ATP6V0A1: variants seen among roughly 807,000 people sequenced by gnomAD.
The protein encoded by ATP6V0A1 is ATPase H+ transporting V0 subunit a1.
ATP6V0A1 carries 43 observed loss-of-function variants against 105.4 expected under a neutral mutation model. The observed-to-expected ratio is 0.41, with a 90% CI of 0.32 to 0.53. The LOEUF is 0.53. Among genes scored for constraint, ATP6V0A1 ranks in the 20% least tolerant of loss-of-function variants. ATP6V0A1 has a pLI of 0.30. For synonymous variants in ATP6V0A1, 362 were observed against 372.8 expected (o/e 0.97, Z 0.33); for missense variants, 676 against 1,051.1 (o/e 0.64, Z 4.93).
At chr17:42,502,318 G>C (rs1394370460) in intron 17 of ATP6V0A1, among the ~76,000 whole-genome samples, 13 of 152,214 alleles carry the variant, frequency 8.5e-5, no homozygotes, top group Non-Finnish European at 1.9e-4. Flanking sequence ...GTTTGCCTGG[G>C]CAACCACAGG....
At chr17:42,509,398 A>C (rs1381826087) in intron 19 of ATP6V0A1, among the ~76,000 whole-genome samples, 2 of 152,100 alleles carry the variant, frequency 1.3e-5, no homozygotes, top group East Asian at 3.9e-4. Flanking sequence ...ACTTCTCTCT[A>C]AAATGCCTAG....
chr17:42,505,651 T>C (rs1333158510), intron 17 of ATP6V0A1, among the ~76,000 whole-genome samples: 1 of 152,182 alleles, frequency 6.6e-6, no homozygotes, highest in Non-Finnish European at 1.5e-5. Flanking sequence ...TATCACTCTT[T>C]TTTATGGTTG....
At chr17:42,507,252 C>A in intron 17 of ATP6V0A1, 1 of 353,114 alleles carries the variant, frequency 2.8e-6, no homozygotes, top group Non-Finnish European at 5.3e-6. Context: ...CCAGGTGAGG[C>A]TGGTGCCTCT....
intron 8 of ATP6V0A1, 94 bp from the exon 9 acceptor site, chr17:42,482,944 T>A: frequency 2.5e-5 from 14 of 561,266 alleles, no homozygotes; most frequent in Middle Eastern, 4.2e-4. Context: ...CGGTCTGACC[T>A]AATCCTGTTT....
chr17:42,468,644 T>G (rs1319850157), intron 4 of ATP6V0A1, among the ~76,000 whole-genome samples: 1 of 152,196 alleles, frequency 6.6e-6, no homozygotes, highest in Non-Finnish European at 1.5e-5. Context: ...ATTATTTGTC[T>G]GTGCCCTGCT....
intron 21 of ATP6V0A1, among the ~76,000 whole-genome samples, chr17:42,517,486 T>C (rs939116291): frequency 9.2e-5 from 14 of 152,268 alleles, no homozygotes; most frequent in African/African-American, 3.1e-4. Flanking sequence ...ATTTTGGCAA[T>C]AGGAGTATTG....
rs1567812300 is a variant in ATP6V0A1 at position 42,470,129 on chromosome 17, A to C, written c.334A>C (p.Asn112His). The change falls in exon 5 of 22, where the codon AAC becomes CAC. Residue 112 changes from asparagine (N) to histidine (H), a missense_variant. By Grantham distance (68) the Asn-to-His change is moderately conservative (BLOSUM62 1). Coordinates refer to ENST00000343619, the MANE Select transcript of ATP6V0A1 (RefSeq NM_001130021.3). ...EKIENELKEI[N>H]TNQEALKRNF... ...GATTGAAAATGAACTGAAGGAAATCAACACAAACCAGGAAGCTCTGAAGAG... is the reference window on the plus strand; with the variant it reads ...GATTGAAAATGAACTGAAGGAAATCCACACAAACCAGGAAGCTCTGAAGAG... The C allele has an allele frequency of 6.2e-7, 1 of 1,610,572 alleles. No homozygotes were observed. The highest frequency in any genetic ancestry group is 8.5e-7 in the Non-Finnish European group (1 of 1,177,926).
At chr17:42,507,081 C>A (rs1229255624) in intron 17 of ATP6V0A1, among the ~76,000 whole-genome samples, 1 of 152,202 alleles carries the variant, frequency 6.6e-6, no homozygotes, top group African/African-American at 2.4e-5. Context: ...GACTAGGGTA[C>A]AATCACAATG....
intron 19 of ATP6V0A1, among the ~76,000 whole-genome samples, chr17:42,509,231 T>C (rs982536277): frequency 6.6e-6 from 1 of 152,100 alleles, no homozygotes; most frequent in African/African-American, 2.4e-5. Context: ...ATCAGCCACA[T>C]AGAGAATAAC....
intron 10 of ATP6V0A1, among the ~76,000 whole-genome samples, chr17:42,488,341 G>A (rs1282987581): frequency 6.6e-6 from 1 of 152,216 alleles, no homozygotes; most frequent in Non-Finnish European, 1.5e-5. Context: ...AGGTAGTTTG[G>A]AACTTAATTG....
chr17:42,485,636 C>A (rs1327528333), intron 9 of ATP6V0A1, among the ~76,000 whole-genome samples: 3 of 152,124 alleles, frequency 2.0e-5, no homozygotes. Context: ...CTCACTGCAG[C>A]CTTGACCGAC....
In ATP6V0A1 at chr17:42,495,176, C is replaced by G. The variant is rs1764656139; in HGVS notation, c.1457C>G (p.Thr486Ser). The change falls in exon 13 of 22, where the codon ACT (threonine) becomes AGT (serine). Residue 486 changes from threonine (T) to serine (S), a missense_variant. Thr to Ser is a moderately conservative substitution (Grantham distance 58, BLOSUM62 1). Transcript: ENST00000343619. ...TCCTGGAGTGTACGGCCGATGTTTA[C>G]TTATAATTGGACGTAAGTTGCAGAA... ...GSSWSVRPMF[T>S]YNWTEETLRG... The G allele has an allele frequency of 6.2e-7, 1 of 1,613,822 alleles. No homozygotes were observed. The highest frequency in any genetic ancestry group is 8.5e-7 in the Non-Finnish European group (1 of 1,179,882).
chr17:42,478,685 A>G (rs1338559782), intron 7 of ATP6V0A1, 96 bp downstream of exon 7: 13 of 1,307,508 alleles, frequency 9.9e-6, no homozygotes, highest in Non-Finnish European at 1.3e-5. Flanking sequence ...GTGCTTCCAC[A>G]GAGGAGCCAT....
At position 42,514,301 on chromosome 17, in the gene ATP6V0A1, T is replaced by C; in HGVS notation, c.2261T>C (p.Val754Ala). 6.3e-7 allele frequency: 1 copy of C among 1,596,378 alleles called. No homozygotes were observed. The highest frequency in any genetic ancestry group is 8.5e-7 in the Non-Finnish European group (1 of 1,171,408). ...LSLAHAQLSE[V>A]LWTMVIHIGL... is the part of the protein sequence containing the mutation. ...TCCCATTCCCCAGAGCTGTCTGAGG[T>C]GCTTTGGACCATGGTGATCCACATC... Residue 754 changes from valine (V) to alanine (A), a missense_variant, in exon 21 of 22, where the codon GTG becomes GCG. By Grantham distance (64) the Val-to-Ala change is moderately conservative (BLOSUM62 0). This residue lies in a region of ATP6V0A1 where 435 missense variants were observed against 642.2 expected (regional missense o/e 0.68). Coordinates refer to ENST00000343619, the MANE Select transcript of ATP6V0A1 (RefSeq NM_001130021.3).
intron 2 of ATP6V0A1, among the ~76,000 whole-genome samples, chr17:42,463,533 A>G (rs1256454657): frequency 6.6e-6 from 1 of 152,200 alleles, no homozygotes; most frequent in East Asian, 1.9e-4. Context: ...GCCGAACGGT[A>G]AGTAGTTCAT....
rs756631876 is a variant in ATP6V0A1, at chr17:42,480,764, C to T, written c.716+15C>T. On this transcript the variant is annotated intron_variant, in intron 8 of 21. Transcript: ENST00000343619. ...ATCTGTGAAGGGTAAGAGAGGCATG[C>T]CTCTACCAGGAGTGCACAGCCATGC... 5 of 1,610,674 alleles carry T rather than the reference C, an allele frequency of 3.1e-6. No homozygotes were observed. In the East Asian group the frequency reaches 1.1e-4, roughly 36 times the overall value.
At chr17:42,508,423 G>A in intron 18 of ATP6V0A1, 149 bp from the exon 19 acceptor site, 1 of 864,790 alleles carries the variant, frequency 1.2e-6, no homozygotes, top group South Asian at 1.6e-5. Context: ...ATTTCGCTTT[G>A]TGTATATGCT....
intron 9 of ATP6V0A1, among the ~76,000 whole-genome samples, chr17:42,484,084 C>T (rs1479153320): frequency 3.3e-5 from 5 of 151,678 alleles, no homozygotes; most frequent in Non-Finnish European, 7.4e-5. Flanking sequence ...GTTTTTGAGA[C>T]GGAGTCTCTG....
intron 14 of ATP6V0A1, among the ~76,000 whole-genome samples, chr17:42,496,920 A>G (rs1216500005): frequency 1.3e-5 from 2 of 152,182 alleles, no homozygotes; most frequent in African/African-American, 2.4e-5. Context: ...AAACAACCCA[A>G]TTTCTTCAAA....
Sources: gnomAD v4.1 joint callset for allele counts (sites outside exome capture counted in the v4.1 genomes callset) on GRCh38, gnomAD v4.1.1 for gene constraint, gnomAD v4.1.1 regional missense constraint, MANE v1.5 for transcripts, NCBI Gene and HGNC (gene_info 2026-07-23, HGNC 2026-07-21) for gene names.